The following RBM4 variants were observed in gnomAD, a reference collection of about 807,000 sequenced individuals.
RBM4 encodes RNA-binding protein 4.
In RBM4, 7 loss-of-function variants were observed where a neutral mutation model predicts 29.5. The ratio of observed to expected loss-of-function variants is 0.24; its 90% CI spans 0.14 to 0.45. The LOEUF (loss-of-function observed/expected upper bound fraction) is 0.45, where lower values mean the gene tolerates loss of function less well. Among genes scored for constraint, RBM4 ranks in the 20% least tolerant of loss-of-function variants. RBM4 has a pLI of 1.00. For synonymous variants in RBM4, 220 were observed against 205.4 expected (o/e 1.07, Z -0.61); for missense variants, 387 against 502.3 (o/e 0.77, Z 2.19).
intron 2 of RBM4, among the ~76,000 whole-genome samples, chr11:66,657,108 CTTTTTT>C (rs748071140): frequency 4.0e-4 from 37 of 93,434 alleles, no homozygotes; most frequent in Non-Finnish European, 5.6e-4. Context: ...ATTTTTTAGT[CTTTTTT>C]TTTTTTTTTT....
At chr11:66,641,043 CAG>C (rs1040856165) in intron 2 of RBM4, 1 of 152,188 alleles carries the variant, frequency 6.6e-6, no homozygotes, top group African/African-American at 2.4e-5. Context: ...AGTGGCAGTT[CAG>C]GGGTGGTGAT....
At chr11:66,656,037 C>G (rs968209847) in intron 2 of RBM4, among the ~76,000 whole-genome samples, 3 of 152,026 alleles carry the variant, frequency 2.0e-5, no homozygotes, top group Non-Finnish European at 4.4e-5. Context: ...ATGGTGCAAT[C>G]TCAGCTCACC....
At chr11:66,659,340 G>A (rs1363354644) in intron 2 of RBM4, among the ~76,000 whole-genome samples, 2 of 137,962 alleles carry the variant, frequency 1.4e-5, no homozygotes, top group South Asian at 2.3e-4. Context: ...GCGCGATCTC[G>A]GCTCACTGCA....
At chr11:66,644,754 G>A (rs974986327) in intron 3 of RBM4, 17 of 914,994 alleles carry the variant, frequency 1.9e-5, no homozygotes, top group Non-Finnish European at 2.2e-5. Context: ...GTAAGTTGGG[G>A]TAGAGAGAAA....
In RBM4 at chr11:66,659,167, C is replaced by G. The variant is rs11227560; in HGVS notation, c.413-6689C>G. On this transcript the variant is annotated intron_variant, in intron 2 of 2. Transcript: ENST00000396053. ...GTATTTCTGTTATGTAACACTGATCCAGGTGCTAAAGACTCTTGATATCTC... is the reference window on the plus strand; with the variant it reads ...GTATTTCTGTTATGTAACACTGATCGAGGTGCTAAAGACTCTTGATATCTC... 7.4e-3 allele frequency among the ~76,000 whole-genome samples: 1,117 copies of G among 151,066 alleles called. 65 individuals are homozygous for G. In the East Asian group the frequency reaches 0.14, roughly 19 times the overall value.
chr11:66,644,607 T>C, intron 3 of RBM4: 1 of 811,884 alleles, frequency 1.2e-6, no homozygotes, highest in South Asian at 5.4e-5. Context: ...AGTCCATAAC[T>C]GTAGTTAACT....
At chr11:66,658,092 G>T (rs1277970833) in intron 2 of RBM4, among the ~76,000 whole-genome samples, 1 of 151,336 alleles carries the variant, frequency 6.6e-6, no homozygotes, top group East Asian at 1.9e-4. Flanking sequence ...GCAACGGCAC[G>T]ATCTCGGCTC....
chr11:66,640,862 T>C (rs11558246), intron 2 of RBM4: 3,271 of 152,346 alleles, frequency 0.021, 76 homozygotes, highest in Non-Finnish European at 0.028. Flanking sequence ...ATGGGTGATA[T>C]GTGGATTGTC....
intron 2 of RBM4, among the ~76,000 whole-genome samples, chr11:66,653,510 T>C (rs1323964813): frequency 1.3e-5 from 2 of 151,960 alleles, no homozygotes; most frequent in Non-Finnish European, 2.9e-5. Flanking sequence ...TATAGGCACA[T>C]GCCACCACGC....
At chr11:66,655,863 A>G (rs1938939260) in intron 2 of RBM4, among the ~76,000 whole-genome samples, 1 of 152,178 alleles carries the variant, frequency 6.6e-6, no homozygotes, top group South Asian at 2.1e-4. Flanking sequence ...GCAGTGTCAT[A>G]ATGTGATTAC....
intron 1 of RBM4, 45 bp from the exon 2 acceptor site, chr11:66,639,655 G>A (rs777501499): frequency 6.3e-7 from 1 of 1,589,736 alleles, no homozygotes; most frequent in Non-Finnish European, 8.6e-7. Context: ...GTGAACGGAT[G>A]TGGGCCTGAG....
intron 2 of RBM4, among the ~76,000 whole-genome samples, chr11:66,663,053 G>T (rs1939114755): frequency 6.6e-6 from 1 of 152,132 alleles, no homozygotes; most frequent in South Asian, 2.1e-4. Flanking sequence ...TGAGGTAAAT[G>T]CTTTATTATT....
At chr11:66,644,256 C>G (rs1938592880) in intron 3 of RBM4, 116 bp downstream of exon 3, 1 of 1,381,492 alleles carries the variant, frequency 7.2e-7, no homozygotes, top group African/African-American at 1.5e-5. Flanking sequence ...GGGAAGGTTA[C>G]TAGGATGGCT....
downstream of RBM4, among the ~76,000 whole-genome samples, chr11:66,648,000 C>T (rs1366989630): frequency 1.3e-5 from 2 of 152,094 alleles, no homozygotes; most frequent in African/African-American, 2.4e-5. Flanking sequence ...GTCAGGAGTT[C>T]GTGACCATCC....
At chr11:66,654,035 A>G (rs1357215165) in intron 2 of RBM4, among the ~76,000 whole-genome samples, 5 of 151,940 alleles carry the variant, frequency 3.3e-5, no homozygotes, top group Non-Finnish European at 7.4e-5. Flanking sequence ...TAAAAATATT[A>G]CTTATTTTAG....
intron 3 of RBM4, chr11:66,644,595 A>G (rs1350128787): frequency 1.3e-6 from 1 of 746,668 alleles, no homozygotes; most frequent in Non-Finnish European, 1.6e-6. Flanking sequence ...CCCTGATGAT[A>G]AAGTCCATAA....
At chr11:66,663,889 T>C (rs1349994066) in intron 2 of RBM4, among the ~76,000 whole-genome samples, 1 of 152,122 alleles carries the variant, frequency 6.6e-6, no homozygotes, top group Non-Finnish European at 1.5e-5. Flanking sequence ...TTTAAACTGG[T>C]TTAAGAGCAG....
chr11:66,668,246 G>C (rs1472653002), exon 3 of RBM4: 3 of 178,576 alleles, frequency 1.7e-5, no homozygotes, highest in African/African-American at 7.1e-5. Flanking sequence ...TCCCTTCTCT[G>C]TAAAAGAATA....
intron 2 of RBM4, among the ~76,000 whole-genome samples, chr11:66,662,683 G>A (rs1939105020): frequency 6.6e-6 from 1 of 152,184 alleles, no homozygotes; most frequent in African/African-American, 2.4e-5. Context: ...GATTACAGGC[G>A]TGAGTCACGC....
Sources: allele counts gnomAD v4.1 joint callset (sites outside exome capture counted in the v4.1 genomes callset), GRCh38; gene constraint gnomAD v4.1.1; transcripts MANE v1.5; gene names NCBI Gene and HGNC (gene_info 2026-07-23, HGNC 2026-07-21).